B3GALT5: variants seen among roughly 807,000 people sequenced by gnomAD.
B3GALT5 encodes beta-1,3-galactosyltransferase 5.
For missense variants in B3GALT5, 328 were observed against 396.6 expected (o/e 0.83, Z 1.47); for synonymous variants, 156 against 158.6 (o/e 0.98, Z 0.12).
chr21:39,651,512 GAA>G (rs1292152295), intron 2 of B3GALT5, among the ~76,000 whole-genome samples: 1 of 152,202 alleles, frequency 6.6e-6, no homozygotes, highest in Non-Finnish European at 1.5e-5. Flanking sequence ...TTTCCCTGGA[GAA>G]ATACCCATCA....
intron 1 of B3GALT5, among the ~76,000 whole-genome samples, chr21:39,614,658 G>A (rs958291679): frequency 6.6e-6 from 1 of 152,174 alleles, no homozygotes; most frequent in African/African-American, 2.4e-5. Flanking sequence ...CAGAGGACAC[G>A]AAGGTGTAGC....
At chr21:39,624,315 T>G (rs1258662873) in intron 1 of B3GALT5, among the ~76,000 whole-genome samples, 1 of 152,232 alleles carries the variant, frequency 6.6e-6, no homozygotes, top group East Asian at 1.9e-4. Flanking sequence ...TTGTGTCCCT[T>G]TGTTTGGGTG....
intron 1 of B3GALT5, among the ~76,000 whole-genome samples, chr21:39,616,604 G>A (rs773959455): frequency 6.6e-5 from 10 of 152,028 alleles, no homozygotes; most frequent in Non-Finnish European, 1.3e-4. Flanking sequence ...TTTAACAAGG[G>A]CAGGTTCAGC....
At chr21:39,629,074 C>G (rs1035049850) in intron 1 of B3GALT5, among the ~76,000 whole-genome samples, 2 of 151,908 alleles carry the variant, frequency 1.3e-5, no homozygotes, top group African/African-American at 2.4e-5. Context: ...TGCAGTGGTG[C>G]CTGATCTTGG....
rs766324264 is a variant in B3GALT5 at position 39,671,185 on chromosome 21, C to T, written c.*9693C>T. On this transcript the variant is annotated 3_prime_UTR_variant, in exon 4 of 4. Transcript: ENST00000684187. The stretch of plus-strand genomic sequence containing the variant: ...CCCAGTCACCTCTTAAAAGGTCCCA[C>T]CTCTCAACGCTGTTGCACTGGGGAT... 6.6e-6 allele frequency: 1 copy of T among 152,220 alleles called. No homozygotes were observed. Among genetic ancestry groups the T allele is most frequent in the Admixed American group, 6.5e-5 (1 of 15,288 alleles). The allele number at this position is 152,220 out of a possible 1,614,324, so 9.4% of individuals were successfully genotyped here. A position where few individuals can be genotyped will look rare whatever the true frequency, so the allele number is the denominator to read the frequency against.
chr21:39,660,291 T>C (rs2079498302), intron 3 of B3GALT5, among the ~76,000 whole-genome samples: 1 of 152,174 alleles, frequency 6.6e-6, no homozygotes, highest in Admixed American at 6.5e-5. Context: ...AGACAGGCAA[T>C]TGGAGACTCC....
At chr21:39,649,601 G>T (rs1602289167) in intron 2 of B3GALT5, among the ~76,000 whole-genome samples, 1 of 152,210 alleles carries the variant, frequency 6.6e-6, no homozygotes, top group African/African-American at 2.4e-5. Flanking sequence ...GGGAGGTGCA[G>T]CCCAGAAACA....
In B3GALT5 at chr21:39,661,532, C is replaced by G; in HGVS notation, c.*40C>G. On this transcript the variant is annotated 3_prime_UTR_variant, in exon 4 of 4. Transcript: ENST00000684187. The surrounding 1 kb of genome is among the most constrained non-coding windows in gnomAD (Gnocchi z 4.7). Reference sequence around the variant, plus strand: ...CACATCCGGACAAGTTTCAGATAACCCGTGGGGATAGTTTTTGCTAGATTT... The same window carrying G: ...CACATCCGGACAAGTTTCAGATAACGCGTGGGGATAGTTTTTGCTAGATTT... 6.8e-7 allele frequency: 1 copy of G among 1,471,662 alleles called. No homozygotes were observed. 91.2% of individuals were successfully genotyped at this position (1,471,662 alleles called of 1,614,324 possible).
Position 39,669,153 on chromosome 21 carries a change from G to A in B3GALT5, c.*7661G>A, listed in dbSNP as rs1020457810. On this transcript the variant is annotated 3_prime_UTR_variant, in exon 4 of 4. Transcript: ENST00000684187. ...CTCTTGGAGAAGTTCTTCTGTTCGT[G>A]ACATTCTTCACAATCAGAGCACTGT... is the stretch of plus-strand genomic sequence containing the variant. The A allele has an allele frequency of 6.6e-6, 1 of 152,154 alleles. No homozygotes were observed. Among genetic ancestry groups the A allele is most frequent in the African/African-American group, 2.4e-5 (1 of 41,422 alleles). The allele number at this position is 152,154 out of a possible 1,614,324, so 9.4% of individuals were successfully genotyped here.
rs2079254599 is a variant in B3GALT5, at chr21:39,639,288, C to CTCGCTCTTTCTT, written c.-391-7102_-391-7101insGCTCTTTCTTTC. Among the ~76,000 whole-genome samples, 18 of 98,522 alleles carry CTCGCTCTTTCTT rather than the reference C, an allele frequency of 1.8e-4. 1 individual carries two copies. In the East Asian group the frequency reaches 3.8e-3, roughly 21 times the overall value. The allele number at this position is 98,522 out of a possible 152,430, so 64.6% of individuals were successfully genotyped here. On this transcript the variant is annotated intron_variant, in intron 1 of 3. Transcript: ENST00000684187. ...CTTGCAAGCAGCTTCAGGCATCTGG[C>CTCGCTCTTTCTT]TCTTTCTTTCTTTCTTTCTTTCTTT...
At chr21:39,614,041 C>T (rs1485692110) in intron 1 of B3GALT5, among the ~76,000 whole-genome samples, 1 of 152,032 alleles carries the variant, frequency 6.6e-6, no homozygotes, top group Non-Finnish European at 1.5e-5. Flanking sequence ...GGGGAAGTGT[C>T]ATGTTTCGTT....
chr21:39,630,837 G>A (rs2079188169), intron 1 of B3GALT5, among the ~76,000 whole-genome samples: 2 of 152,118 alleles, frequency 1.3e-5, no homozygotes. Context: ...CAGCCTTCAG[G>A]CCTTTCATCC....
At chr21:39,649,052 A>G (rs982629142) in intron 2 of B3GALT5, among the ~76,000 whole-genome samples, 1 of 152,154 alleles carries the variant, frequency 6.6e-6, no homozygotes, top group African/African-American at 2.4e-5. Context: ...GACTAAGACA[A>G]TCCTTAAAAT....
At chr21:39,639,440 C>CTTTT (rs1413970067) in intron 1 of B3GALT5, among the ~76,000 whole-genome samples, 4 of 114,370 alleles carry the variant, frequency 3.5e-5, no homozygotes, top group African/African-American at 1.3e-4. Context: ...TTCTTTCTTT[C>CTTTT]TTTCTTTCTT....
chr21:39,614,622 A>C (rs2079097959), intron 1 of B3GALT5, among the ~76,000 whole-genome samples: 1 of 152,178 alleles, frequency 6.6e-6, no homozygotes, highest in African/African-American at 2.4e-5. Context: ...ACTTCTCCAC[A>C]CGGATGGTAA....
Position 39,665,897 on chromosome 21 carries a change from C to CCACG in B3GALT5, c.*4406_*4407insACGC, listed in dbSNP as rs1414546884. 1 of 152,068 alleles carries CCACG rather than the reference C, an allele frequency of 6.6e-6. No homozygotes were observed. Among genetic ancestry groups the CCACG allele is most frequent in the Admixed American group, 6.5e-5 (1 of 15,270 alleles). The allele number at this position is 152,068 out of a possible 1,614,324, so 9.4% of individuals were successfully genotyped here. Reference sequence around the variant, plus strand: ...AACTTGAATGTAACCTTTGTGTGGGCCGTGGGTCTTTCTCTGTTTCCTTCA... The same window carrying CCACG: ...AACTTGAATGTAACCTTTGTGTGGGCCACGCGTGGGTCTTTCTCTGTTTCCTTCA... On this transcript the variant is annotated 3_prime_UTR_variant, in exon 4 of 4. Coordinates refer to ENST00000684187, the MANE Select transcript of B3GALT5 (RefSeq NM_001356336.2).
chr21:39,651,775 G>GT (rs5843973), intron 2 of B3GALT5, among the ~76,000 whole-genome samples: 52,754 of 151,930 alleles, frequency 0.35, 9,370 homozygotes, highest in Middle Eastern at 0.39. Flanking sequence ...AGTTAAGGCA[G>GT]TTTTTTTTAT....
At chr21:39,650,117 C>T (rs1321162154) in intron 2 of B3GALT5, among the ~76,000 whole-genome samples, 2 of 152,142 alleles carry the variant, frequency 1.3e-5, no homozygotes, top group Non-Finnish European at 2.9e-5. Context: ...AGAGGCTTCC[C>T]GAGGCAGTGG....
chr21:39,614,405 G>T (rs1336860375), intron 1 of B3GALT5, among the ~76,000 whole-genome samples: 4 of 152,246 alleles, frequency 2.6e-5, no homozygotes, highest in Admixed American at 6.5e-5. Context: ...GCCCATGGAC[G>T]TTACCTCCTG....
Sources: allele counts gnomAD v4.1 joint callset (sites outside exome capture counted in the v4.1 genomes callset), GRCh38; gene constraint gnomAD v4.1.1; non-coding constraint Gnocchi (gnomAD v3.1); transcripts MANE v1.5; gene names NCBI Gene and HGNC (gene_info 2026-07-23, HGNC 2026-07-21).